Variants in DAB1 observed in about 807,000 individuals in gnomAD.
The protein encoded by DAB1 is DAB adaptor protein 1.
Under a neutral mutation model 64.6 loss-of-function variants are expected in DAB1, and 15 were observed. That is an observed-to-expected ratio of 0.23 (90% CI 0.16 to 0.36). The LOEUF (loss-of-function observed/expected upper bound fraction) is 0.36, where lower values mean the gene tolerates loss of function less well. Ranked by LOEUF, DAB1 falls within the 10% of genes least tolerant of loss-of-function variation. DAB1 has a pLI of 1.00. For missense variants in DAB1, 596 were observed against 706.7 expected (o/e 0.84, Z 1.78); for synonymous variants, 235 against 251.9 (o/e 0.93, Z 0.64).
At chr1:57,527,959 T>G (rs910287844) in intron 7 of DAB1, among the ~76,000 whole-genome samples, 1 of 152,016 alleles carries the variant, frequency 6.6e-6, no homozygotes, top group Non-Finnish European at 1.5e-5. Context: ...TAATAAGATA[T>G]GCAAAAAAGT....
chr1:58,084,160 C>T (rs933364793), intron 5 of DAB1, among the ~76,000 whole-genome samples: 3 of 152,116 alleles, frequency 2.0e-5, no homozygotes, highest in Non-Finnish European at 4.4e-5. Flanking sequence ...TTGATTTCCT[C>T]ATCATTAAAA....
chr1:58,042,663 C>T (rs1325452), intron 5 of DAB1, among the ~76,000 whole-genome samples: 2 of 151,942 alleles, frequency 1.3e-5, no homozygotes, highest in African/African-American at 2.4e-5. Context: ...GATACTCTAG[C>T]GGGGACAGCA....
chr1:57,898,573 C>A (rs1274632915), intron 5 of DAB1, among the ~76,000 whole-genome samples: 1 of 152,142 alleles, frequency 6.6e-6, no homozygotes, highest in East Asian at 1.9e-4. Context: ...ACCAAGGGAA[C>A]TTAATTAAAA....
rs114343094 is a variant in DAB1 at position 58,313,682 on chromosome 1, T to C, written n.309+29670A>G. On this transcript the variant is annotated intron_variant and non_coding_transcript_variant, in intron 4 of 20. Coordinates refer to the DAB1 transcript ENST00000485760. Reference sequence around the variant, plus strand: ...GCTGCCATAACAAAATACCATACCCTGGGTGGCTTAAGCAGCCGACATTTA... The same window carrying C: ...GCTGCCATAACAAAATACCATACCCCGGGTGGCTTAAGCAGCCGACATTTA... 6.6e-3 allele frequency among the ~76,000 whole-genome samples: 999 copies of C among 152,208 alleles called. 16 individuals are homozygous for C. The highest frequency in any genetic ancestry group is 0.022 in the African/African-American group (934 of 41,532).
chr1:57,963,165 A>G (rs1033922973), intron 5 of DAB1, among the ~76,000 whole-genome samples: 1 of 152,176 alleles, frequency 6.6e-6, no homozygotes, highest in African/African-American at 2.4e-5. Context: ...AGCAAAACAA[A>G]TGAGGTCCCT....
chr1:57,109,848 A>G (rs752714030), intron 4 of DAB1, among the ~76,000 whole-genome samples: 2 of 152,194 alleles, frequency 1.3e-5, no homozygotes, highest in Non-Finnish European at 2.9e-5. Context: ...TCTAAACTCA[A>G]TCTGTTGTGC....
chr1:57,493,007 A>G (rs1474723136), intron 7 of DAB1, among the ~76,000 whole-genome samples: 2 of 151,870 alleles, frequency 1.3e-5, no homozygotes, highest in African/African-American at 4.8e-5. Context: ...ACTCTCTTCT[A>G]TGCCCCTATG....
intron 2 of DAB1, among the ~76,000 whole-genome samples, chr1:57,146,795 C>T (rs753582649): frequency 3.9e-5 from 6 of 152,124 alleles, no homozygotes; most frequent in Non-Finnish European, 8.8e-5. Context: ...AATGTATTTG[C>T]ATTACGCTAA....
At chr1:58,150,846 C>T (rs12036406) in intron 4 of DAB1, among the ~76,000 whole-genome samples, 2,496 of 152,194 alleles carry the variant, frequency 0.016, 63 homozygotes, top group South Asian at 0.099. Context: ...CCCACCGTCC[C>T]CTCACCCCAC....
chr1:57,024,808 A>G (rs1259985641), intron 10 of DAB1, among the ~76,000 whole-genome samples: 1 of 152,176 alleles, frequency 6.6e-6, no homozygotes, highest in African/African-American at 2.4e-5. Context: ...TGCAACTCCA[A>G]GTTCCCAGGA....
chr1:57,509,721 C>A (rs1173460751), intron 7 of DAB1, among the ~76,000 whole-genome samples: 1 of 152,160 alleles, frequency 6.6e-6, no homozygotes. Context: ...CTACCCCTAT[C>A]AAAGGCAAAC....
At chr1:57,560,067 A>G (rs1296827632) in intron 7 of DAB1, among the ~76,000 whole-genome samples, 1 of 152,258 alleles carries the variant, frequency 6.6e-6, no homozygotes, top group African/African-American at 2.4e-5. Context: ...TGAGCAAATT[A>G]ACACATATCC....
intron 3 of DAB1, among the ~76,000 whole-genome samples, chr1:58,350,729 C>T (rs949549626): frequency 6.6e-6 from 1 of 152,108 alleles, no homozygotes; most frequent in Non-Finnish European, 1.5e-5. Flanking sequence ...TTCCCAATTT[C>T]TTGTTTTTGT....
At chr1:58,377,940 T>C (rs1242081656) in intron 3 of DAB1, among the ~76,000 whole-genome samples, 1 of 142,386 alleles carries the variant, frequency 7.0e-6, no homozygotes, top group Non-Finnish European at 1.6e-5. Flanking sequence ...TCATCTTCCA[T>C]TGCTGATACC....
chr1:57,983,497 G>T (rs1175287773), intron 5 of DAB1, among the ~76,000 whole-genome samples: 1 of 152,136 alleles, frequency 6.6e-6, no homozygotes, highest in Admixed American at 6.6e-5. Context: ...AGAACTGCCT[G>T]CAAAAGGACC....
intron 6 of DAB1, among the ~76,000 whole-genome samples, chr1:57,680,959 A>G (rs1646630010): frequency 6.6e-6 from 1 of 152,212 alleles, no homozygotes; most frequent in Admixed American, 6.5e-5. Flanking sequence ...ATGCTTAGCA[A>G]GTTCTTGATC....
At chr1:57,011,018 C>T (rs1646250216) in intron 13 of DAB1, 127 bp downstream of exon 13, 4 of 1,275,528 alleles carry the variant, frequency 3.1e-6, no homozygotes, top group Admixed American at 2.2e-5. Context: ...TTTAGCAACC[C>T]CTTGAGAACT....
At chr1:57,141,088 C>A (rs1658549142) in intron 3 of DAB1, among the ~76,000 whole-genome samples, 1 of 152,146 alleles carries the variant, frequency 6.6e-6, no homozygotes, top group Non-Finnish European at 1.5e-5. Flanking sequence ...TTCCAGAAAG[C>A]CCCATGTAAT....
chr1:58,328,295 C>G (rs1170849188), intron 4 of DAB1, among the ~76,000 whole-genome samples: 1 of 152,210 alleles, frequency 6.6e-6, no homozygotes, highest in Non-Finnish European at 1.5e-5. Context: ...ATTTCGCTTT[C>G]TAAGTAGCTC....
Sources: gnomAD v4.1 joint callset for allele counts (sites outside exome capture counted in the v4.1 genomes callset) on GRCh38, gnomAD v4.1.1 for gene constraint, MANE v1.5 for transcripts, NCBI Gene and HGNC (gene_info 2026-07-23, HGNC 2026-07-21) for gene names.